STPG2: variants seen among roughly 807,000 people sequenced by gnomAD.
STPG2 encodes sperm-tail PG-rich repeat-containing protein 2.
A neutral mutation model predicts 54.2 loss-of-function variants in STPG2; 56 were observed. The ratio of observed to expected loss-of-function variants is 1.03; its 90% CI spans 0.83 to 1.29. The LOEUF (loss-of-function observed/expected upper bound fraction) is 1.29, where lower values mean the gene tolerates loss of function less well. Ranked by LOEUF, STPG2 falls within the 50% of genes most tolerant of loss-of-function variation. The pLI, the probability that STPG2 is intolerant of heterozygous loss-of-function variation, is 0.00. For synonymous variants in STPG2, 200 were observed against 181.8 expected (o/e 1.10, Z -0.81); for missense variants, 596 against 544.9 (o/e 1.09, Z -0.93).
At chr4:97,613,718 C>T (rs1578424561) in intron 10 of STPG2, among the ~76,000 whole-genome samples, 1 of 151,970 alleles carries the variant, frequency 6.6e-6, no homozygotes, top group Admixed American at 6.6e-5. Context: ...TACTCCAGTA[C>T]AATACAAAAA....
intron 5 of STPG2, among the ~76,000 whole-genome samples, chr4:98,091,601 T>A (rs1738687510): frequency 6.6e-6 from 1 of 152,104 alleles, no homozygotes; most frequent in Admixed American, 6.5e-5. Context: ...GATATTTGTA[T>A]CTTCCATTGA....
intron 4 of STPG2, among the ~76,000 whole-genome samples, chr4:97,522,286 A>C (rs898221722): frequency 6.6e-6 from 1 of 152,022 alleles, no homozygotes; most frequent in Non-Finnish European, 1.5e-5. Flanking sequence ...TGGCATTATC[A>C]TTAGAGTTTA....
chr4:97,958,072 G>T (rs1303711785), intron 7 of STPG2, among the ~76,000 whole-genome samples: 2 of 152,128 alleles, frequency 1.3e-5, no homozygotes, highest in Non-Finnish European at 2.9e-5. Context: ...ACTTTGGGAG[G>T]CAGAGGGGGG....
chr4:98,018,894 G>A (rs1467774433), intron 5 of STPG2, among the ~76,000 whole-genome samples: 1 of 151,556 alleles, frequency 6.6e-6, no homozygotes, highest in African/African-American at 2.4e-5. Flanking sequence ...ATTTGTTTGA[G>A]TTCATTGTAG....
At chr4:97,637,845 G>A (rs1253103348) in intron 10 of STPG2, among the ~76,000 whole-genome samples, 3 of 152,116 alleles carry the variant, frequency 2.0e-5, no homozygotes, top group Non-Finnish European at 4.4e-5. Context: ...AATAGAAGAG[G>A]ATACAAACAA....
intron 10 of STPG2, among the ~76,000 whole-genome samples, chr4:97,648,559 C>G (rs1446375682): frequency 3.3e-5 from 5 of 152,106 alleles, no homozygotes; most frequent in Non-Finnish European, 1.5e-5. Context: ...TTTATTACTA[C>G]TAAAATGAAC....
chr4:98,009,501 T>C (rs975716644), intron 5 of STPG2, among the ~76,000 whole-genome samples: 8 of 152,078 alleles, frequency 5.3e-5, no homozygotes, highest in African/African-American at 1.9e-4. Flanking sequence ...GTCCAACATA[T>C]GATCAATTCT....
intron 9 of STPG2, among the ~76,000 whole-genome samples, chr4:97,736,578 G>C (rs1019695162): frequency 6.6e-6 from 1 of 152,186 alleles, no homozygotes; most frequent in African/African-American, 2.4e-5. Context: ...GGCTCAGAGG[G>C]TCCTATGCCC....
chr4:97,892,118 T>C (rs1730794541), intron 8 of STPG2, among the ~76,000 whole-genome samples: 1 of 152,140 alleles, frequency 6.6e-6, no homozygotes, highest in Non-Finnish European at 1.5e-5. Flanking sequence ...TTATAATCTT[T>C]GTGCAATAAA....
At chr4:97,797,263 G>A (rs1270757601) in intron 9 of STPG2, among the ~76,000 whole-genome samples, 8 of 152,162 alleles carry the variant, frequency 5.3e-5, no homozygotes, top group Admixed American at 4.6e-4. Flanking sequence ...CCTGTCTTGT[G>A]CCAGTTTTCA....
At chr4:97,512,489 T>G (rs1359286531) in intron 4 of STPG2, among the ~76,000 whole-genome samples, 1 of 152,016 alleles carries the variant, frequency 6.6e-6, no homozygotes, top group Non-Finnish European at 1.5e-5. Context: ...TCAACAGATT[T>G]GGGATATCAT....
intron 10 of STPG2, among the ~76,000 whole-genome samples, chr4:97,673,455 A>G (rs1213071455): frequency 1.3e-5 from 2 of 152,192 alleles, no homozygotes; most frequent in African/African-American, 4.8e-5. Context: ...AAAAATAAAC[A>G]TATATTTAAC....
chr4:98,116,976 T>C (rs1300772035), intron 3 of STPG2, among the ~76,000 whole-genome samples: 1 of 152,046 alleles, frequency 6.6e-6, no homozygotes, highest in East Asian at 1.9e-4. Flanking sequence ...GGAATTCTTC[T>C]AAAAACTTAA....
Position 98,107,808 on chromosome 4 carries a change from C to T in STPG2, c.500+1385G>A, listed in dbSNP as rs560125437. ...GAGAGAGAGCATGAGCACAAATCAG[C>T]CAATATGGCAGAAGAAAAGGATAGG... On this transcript the variant is annotated intron_variant, in intron 4 of 10. Coordinates refer to ENST00000295268, the MANE Select transcript of STPG2 (RefSeq NM_174952.3). 9.9e-5 allele frequency among the ~76,000 whole-genome samples: 15 copies of T among 151,708 alleles called. No homozygotes were observed. In the South Asian group the frequency reaches 3.1e-3, roughly 32 times the overall value.
At chr4:97,856,131 G>T (rs960374718) in intron 8 of STPG2, among the ~76,000 whole-genome samples, 5 of 152,094 alleles carry the variant, frequency 3.3e-5, no homozygotes, top group Non-Finnish European at 5.9e-5. Context: ...TTCTGCTTAG[G>T]ATTTTCTTGG....
At chr4:98,037,864 T>G (rs1736822859) in intron 5 of STPG2, among the ~76,000 whole-genome samples, 1 of 151,968 alleles carries the variant, frequency 6.6e-6, no homozygotes, top group South Asian at 2.1e-4. Context: ...AAAGCCTACA[T>G]GGTGTCTAGA....
rs191869731 is a variant in STPG2, at chr4:98,128,424, T to C, written c.387+4A>G. On this transcript the variant is annotated splice_donor_region_variant and intron_variant, in intron 3 of 10. Transcript: ENST00000295268. ...ATTGTCAATATGAAATACATTATAC[T>C]TACAAATTGAGGTTTGTAGTATGCT... The C allele has an allele frequency of 7.3e-4, 1,166 of 1,587,210 alleles. 2 individuals carry two copies. Among genetic ancestry groups the C allele is most frequent in the Non-Finnish European group, 9.4e-4 (1,104 of 1,170,958 alleles).
intron 8 of STPG2, among the ~76,000 whole-genome samples, chr4:97,938,854 G>C (rs1285281662): frequency 6.6e-6 from 1 of 151,838 alleles, no homozygotes; most frequent in Non-Finnish European, 1.5e-5. Context: ...ATGCTGTTTT[G>C]GTTCTTCTCA....
intron 5 of STPG2, among the ~76,000 whole-genome samples, chr4:98,075,551 T>C (rs934723352): frequency 6.6e-6 from 1 of 152,218 alleles, no homozygotes; most frequent in African/African-American, 2.4e-5. Context: ...CTGGAATCTT[T>C]ATCCCTTAAG....
Sources: gnomAD v4.1 joint callset for allele counts (sites outside exome capture counted in the v4.1 genomes callset) on GRCh38, gnomAD v4.1.1 for gene constraint, MANE v1.5 for transcripts, NCBI Gene and HGNC (gene_info 2026-07-23, HGNC 2026-07-21) for gene names.